ITGA9: variants seen among roughly 807,000 people sequenced by gnomAD.
ITGA9 encodes integrin alpha-9.
A neutral mutation model predicts 127.8 loss-of-function variants in ITGA9; 56 were observed. That is an observed-to-expected ratio of 0.44 (90% CI 0.35 to 0.55). The LOEUF is 0.55. Ranked by LOEUF, ITGA9 falls within the 20% of genes least tolerant of loss-of-function variation. The pLI is 0.00. For missense variants in ITGA9, 1,196 were observed against 1,347.1 expected (o/e 0.89, Z 1.76); for synonymous variants, 508 against 514.5 (o/e 0.99, Z 0.17).
intron 23 of ITGA9, among the ~76,000 whole-genome samples, chr3:37,775,080 AACAG>A (rs1487444228): frequency 1.3e-5 from 2 of 152,244 alleles, no homozygotes; most frequent in Non-Finnish European, 2.9e-5. Context: ...CAACAGAGTA[AACAG>A]ACAACCTACA....
intron 6 of ITGA9, 66 bp from the exon 7 acceptor site, chr3:37,505,934 T>G (rs1698836350): frequency 8.7e-7 from 1 of 1,152,776 alleles, no homozygotes; most frequent in African/African-American, 1.5e-5. Flanking sequence ...TTTCCTCTGA[T>G]GGATGTTTTT....
intron 14 of ITGA9, among the ~76,000 whole-genome samples, chr3:37,538,109 C>T (rs1017509622): frequency 5.9e-5 from 9 of 152,174 alleles, no homozygotes; most frequent in South Asian, 4.1e-4. Flanking sequence ...GAGTGTGAAA[C>T]GAAAACCAGG....
chr3:37,588,062 G>A (rs552399750), intron 15 of ITGA9, among the ~76,000 whole-genome samples: 2 of 152,326 alleles, frequency 1.3e-5, no homozygotes, highest in South Asian at 2.1e-4. Flanking sequence ...GCTCTTTACA[G>A]CCTCTTAGAA....
intron 4 of ITGA9, among the ~76,000 whole-genome samples, chr3:37,487,256 TTAAAG>T (rs1289868774): frequency 1.3e-5 from 2 of 152,116 alleles, no homozygotes; most frequent in Non-Finnish European, 2.9e-5. Context: ...ATAGAGCAAA[TTAAAG>T]AGAAGAGGAT....
At chr3:37,601,007 A>T (rs1371490979) in intron 15 of ITGA9, among the ~76,000 whole-genome samples, 3 of 152,228 alleles carry the variant, frequency 2.0e-5, no homozygotes, top group African/African-American at 4.8e-5. Flanking sequence ...GTGTCCCTGG[A>T]CATCAGTCAC....
chr3:37,574,272 A>G (rs923773867), intron 15 of ITGA9, among the ~76,000 whole-genome samples: 2 of 152,226 alleles, frequency 1.3e-5, no homozygotes, highest in East Asian at 1.9e-4. Context: ...CCCCACCAAA[A>G]TAAACCCTCT....
In ITGA9 at chr3:37,452,303, C is replaced by A; in HGVS notation, c.-72C>A. 1 of 879,370 alleles carries A rather than the reference C, an allele frequency of 1.1e-6. No individual in the cohort carries two copies. The highest frequency in any genetic ancestry group is 5.2e-5 in the South Asian group (1 of 19,348). The allele number at this position is 879,370 out of a possible 1,614,324, so 54.5% of individuals were successfully genotyped here. A position where few individuals can be genotyped will look rare whatever the true frequency, so the allele number is the denominator to read the frequency against. The stretch of plus-strand genomic sequence containing the variant: ...CCGCCCCGGGGAGCTTCCTGGCCGT[C>A]GGCGGGCCCCGCGGCCCGCGCGCTC... On this transcript the variant is annotated 5_prime_UTR_variant, in exon 1 of 28. Transcript: ENST00000264741. The surrounding 1 kb of genome is among the most constrained non-coding windows in gnomAD (Gnocchi z 7.3).
At chr3:37,632,240 G>A (rs1283820988) in intron 16 of ITGA9, among the ~76,000 whole-genome samples, 2 of 152,194 alleles carry the variant, frequency 1.3e-5, no homozygotes, top group Non-Finnish European at 2.9e-5. Flanking sequence ...GACCCAAGGA[G>A]ATTTAGGAAT....
rs9682276 is a variant in ITGA9, at chr3:37,616,817, G to A, written c.1690-12370G>A. Among the ~76,000 whole-genome samples the A allele has an allele frequency of 2.4e-3, 363 of 152,206 alleles. 1 individual carries two copies. Among genetic ancestry groups the A allele is most frequent in the African/African-American group, 8.1e-3 (338 of 41,520 alleles). ...CCATTTTTTGTTTTCCGTTTGCTTG[G>A]TAGATCTTCCTCCATCCCTTTATTT... On this transcript the variant is annotated intron_variant, in intron 15 of 27. Coordinates refer to ENST00000264741, the MANE Select transcript of ITGA9 (RefSeq NM_002207.3).
chr3:37,685,024 C>T (rs961481385), intron 18 of ITGA9, among the ~76,000 whole-genome samples: 2 of 152,182 alleles, frequency 1.3e-5, no homozygotes, highest in Admixed American at 6.5e-5. Context: ...GCTCTAACTG[C>T]TGATAGCTGT....
chr3:37,787,226 T>C (rs766072061), intron 26 of ITGA9, among the ~76,000 whole-genome samples: 17 of 152,106 alleles, frequency 1.1e-4, no homozygotes, highest in Non-Finnish European at 2.4e-4. Flanking sequence ...ACAGTGTTAA[T>C]AAGTGGAAGC....
chr3:37,756,386 A>C (rs1696652898), intron 23 of ITGA9, among the ~76,000 whole-genome samples: 1 of 152,198 alleles, frequency 6.6e-6, no homozygotes, highest in South Asian at 2.1e-4. Context: ...TGACACATTC[A>C]CAGTCATTGC....
intron 16 of ITGA9, among the ~76,000 whole-genome samples, chr3:37,644,484 G>A (rs1700359785): frequency 6.6e-6 from 1 of 152,202 alleles, no homozygotes; most frequent in Non-Finnish European, 1.5e-5. Context: ...TGGGTGCAAT[G>A]TGCATTGGCC....
At chr3:37,746,399 TAAGAGGCTTTTTTGGCATCAAAATTTA>T (rs1696501484) in intron 22 of ITGA9, among the ~76,000 whole-genome samples, 1 of 152,184 alleles carries the variant, frequency 6.6e-6, no homozygotes, top group Non-Finnish European at 1.5e-5. Context: ...TTCTCGACAA[TAAGAGGCTTTTTTGGCATCAAAATTTA>T]AAGCATTTCC....
At chr3:37,619,936 C>T (rs1478072246) in intron 15 of ITGA9, among the ~76,000 whole-genome samples, 1 of 152,188 alleles carries the variant, frequency 6.6e-6, no homozygotes, top group African/African-American at 2.4e-5. Flanking sequence ...GGATTCTTGA[C>T]ACTTGCACTC....
intron 18 of ITGA9, among the ~76,000 whole-genome samples, chr3:37,717,092 C>T (rs749689998): frequency 5.3e-5 from 8 of 152,194 alleles, no homozygotes; most frequent in Non-Finnish European, 1.2e-4. Context: ...CAGCCCTAAG[C>T]TGGTATATGT....
chr3:37,545,684 C>T (rs554358211), intron 15 of ITGA9, among the ~76,000 whole-genome samples: 6 of 152,348 alleles, frequency 3.9e-5, no homozygotes, highest in Admixed American at 6.5e-5. Flanking sequence ...CCCTCTTCCC[C>T]GAGACCAGCC....
intron 17 of ITGA9, among the ~76,000 whole-genome samples, chr3:37,665,180 G>A (rs184791978): frequency 1.3e-5 from 2 of 151,620 alleles, no homozygotes; most frequent in Admixed American, 6.6e-5. Flanking sequence ...TCACCATGTT[G>A]TCCAGGCTAG....
At chr3:37,742,943 C>G (rs1452297197) in intron 21 of ITGA9, among the ~76,000 whole-genome samples, 1 of 152,212 alleles carries the variant, frequency 6.6e-6, no homozygotes. Flanking sequence ...ATCAAAGGCA[C>G]AGCAAGAATA....
Sources: allele counts gnomAD v4.1 joint callset (sites outside exome capture counted in the v4.1 genomes callset), GRCh38; gene constraint gnomAD v4.1.1; non-coding constraint Gnocchi (gnomAD v3.1); transcripts MANE v1.5; gene names NCBI Gene and HGNC (gene_info 2026-07-23, HGNC 2026-07-21).